Variants in EGFR observed in about 807,000 individuals in gnomAD.
EGFR encodes avian erythroblastic leukemia viral (v-erb-b) oncogene homolog.
A neutral mutation model predicts 143.0 loss-of-function variants in EGFR; 58 were observed. The observed-to-expected ratio is 0.41, with a 90% confidence interval of 0.33 to 0.50. The LOEUF (loss-of-function observed/expected upper bound fraction) is 0.50. Among genes scored for constraint, EGFR ranks in the 20% least tolerant of loss-of-function variants. EGFR has a pLI of 0.39. For synonymous variants in EGFR, 613 were observed against 594.4 expected, an observed-to-expected ratio of 1.03 and a Z score of -0.45; for missense variants, 1,307 against 1,579.0, an observed-to-expected ratio of 0.83 and a Z score of 2.92.
chr7:55,200,394 A>G lies in EGFR; in HGVS notation c.2927A>G (p.Gln976Arg), dbSNP rs773034947. The G allele has an allele frequency of 3.7e-6, 6 of 1,613,938 alleles. No individual in the cohort carries two copies. Among genetic ancestry groups the G allele is most frequent in the African/African-American group, 1.3e-5 (1 of 74,864 alleles). Reference protein sequence around the residue: ...IEFSKMARDPQRYLVIQGDER... With the variant: ...IEFSKMARDPRRYLVIQGDER... ...TTCTCCAAAATGGCCCGAGACCCCC[A>G]GCGCTACCTTGTCATTCAGGTACAA... Residue 976 changes from glutamine (Q) to arginine (R), a missense_variant, in exon 24 of 28, where the codon CAG becomes CGG. This residue lies in a region of EGFR where 313 missense variants were observed against 312.3 expected (regional missense o/e 1.00). Coordinates refer to ENST00000275493, the MANE Select transcript of EGFR (RefSeq NM_005228.5).
intron 15 of EGFR, chr7:55,170,306 G>A (rs2128950410): frequency 1.2e-6 from 2 of 1,614,162 alleles, no homozygotes; most frequent in East Asian, 2.2e-5. Flanking sequence ...TCTTTCTCCA[G>A]GCCAGGAAAT....
chr7:55,169,439 C>T (rs116743137), intron 15 of EGFR, among the ~76,000 whole-genome samples: 4,377 of 152,202 alleles, frequency 0.029, 74 homozygotes, highest in South Asian at 0.058. Flanking sequence ...TCATAGTACA[C>T]GGTGAGGAGA....
At chr7:55,128,570 A>T (rs899162028) in intron 1 of EGFR, among the ~76,000 whole-genome samples, 3 of 152,200 alleles carry the variant, frequency 2.0e-5, no homozygotes, top group Non-Finnish European at 2.9e-5. Context: ...CCTGCAAGTT[A>T]TTTGTGTGTA....
At chr7:55,125,317 A>G (rs1355200776) in intron 1 of EGFR, among the ~76,000 whole-genome samples, 1 of 152,266 alleles carries the variant, frequency 6.6e-6, no homozygotes, top group Non-Finnish European at 1.5e-5. Context: ...TAAGTTGAGT[A>G]TGCAACATTG....
intron 1 of EGFR, among the ~76,000 whole-genome samples, chr7:55,123,407 A>G (rs1216580447): frequency 6.6e-6 from 1 of 152,200 alleles, no homozygotes; most frequent in Non-Finnish European, 1.5e-5. Context: ...AACAAATATA[A>G]AGAAAACTTA....
intron 1 of EGFR, among the ~76,000 whole-genome samples, chr7:55,101,100 C>T (rs909727363): frequency 1.3e-5 from 2 of 152,326 alleles, no homozygotes; most frequent in African/African-American, 4.8e-5. Flanking sequence ...AACTCTGCTC[C>T]TTCTGACAAC....
intron 10 of EGFR, among the ~76,000 whole-genome samples, chr7:55,157,411 C>A (rs754987072): frequency 4.0e-4 from 61 of 152,032 alleles, no homozygotes; most frequent in Non-Finnish European, 7.9e-4. Context: ...GGTCTCAGGG[C>A]CACAGCCAGG....
At chr7:55,190,807 C>T (rs1787361293) in intron 20 of EGFR, among the ~76,000 whole-genome samples, 1 of 152,236 alleles carries the variant, frequency 6.6e-6, no homozygotes. Flanking sequence ...CAGAACTTGA[C>T]CCCTCCCAGC....
intron 1 of EGFR, among the ~76,000 whole-genome samples, chr7:55,034,131 C>A (rs1020092683): frequency 1.3e-5 from 2 of 152,174 alleles, no homozygotes; most frequent in Non-Finnish European, 2.9e-5. Context: ...GCAAACACAC[C>A]CTGCCTGGAG....
chr7:55,150,247 C>T (rs542980245), intron 4 of EGFR, among the ~76,000 whole-genome samples: 2 of 152,344 alleles, frequency 1.3e-5, no homozygotes, highest in Admixed American at 6.5e-5. Flanking sequence ...CGCTACAGAT[C>T]TAGCTGCTTT....
At chr7:55,186,181 C>G (rs116293336) in intron 20 of EGFR, among the ~76,000 whole-genome samples, 1,584 of 152,350 alleles carry the variant, frequency 0.01, 28 homozygotes, top group African/African-American at 0.034. Context: ...ACAAGCAGGA[C>G]TGTGAGAGAG....
At chr7:55,066,901 TA>T (rs1174341301) in intron 1 of EGFR, among the ~76,000 whole-genome samples, 2 of 152,158 alleles carry the variant, frequency 1.3e-5, no homozygotes, top group African/African-American at 4.8e-5. Flanking sequence ...TTCCAAAACG[TA>T]AAAGTAAACC....
At chr7:55,096,078 A>G (rs1791452865) in intron 1 of EGFR, among the ~76,000 whole-genome samples, 1 of 152,220 alleles carries the variant, frequency 6.6e-6, no homozygotes, top group African/African-American at 2.4e-5. Flanking sequence ...AAGTAATATT[A>G]GCTAGTTCAG....
At chr7:55,033,185 CTA>C (rs997280361) in intron 1 of EGFR, among the ~76,000 whole-genome samples, 7 of 152,174 alleles carry the variant, frequency 4.6e-5, no homozygotes, top group African/African-American at 1.7e-4. Flanking sequence ...TATTTACTCT[CTA>C]TTTTGAGGGT....
intron 1 of EGFR, among the ~76,000 whole-genome samples, chr7:55,099,300 G>A (rs1791665964): frequency 6.6e-6 from 1 of 152,206 alleles, no homozygotes; most frequent in Non-Finnish European, 1.5e-5. Flanking sequence ...TGCTGGGTTA[G>A]GCAGAGCCAT....
chr7:55,133,421 G>A (rs933242777), intron 1 of EGFR, among the ~76,000 whole-genome samples: 2 of 152,204 alleles, frequency 1.3e-5, no homozygotes, highest in African/African-American at 2.4e-5. Flanking sequence ...AAAGAGGGAC[G>A]TGAAGTCAGA....
chr7:55,105,522 C>T (rs903875702), intron 1 of EGFR, among the ~76,000 whole-genome samples: 1 of 152,172 alleles, frequency 6.6e-6, no homozygotes, highest in Non-Finnish European at 1.5e-5. Flanking sequence ...GTTCCAGTAT[C>T]CTAACGTGGA....
In EGFR at chr7:55,200,032, C is replaced by T. The variant is rs1415182526; in HGVS notation, c.2849-284C>T. ...GCAATTGTACAGACCCACACTGCTC[C>T]ATCCCCTCAGGCGTAACACAGGATG... On this transcript the variant is annotated intron_variant, in intron 23 of 27. Transcript: ENST00000275493. Among the ~76,000 whole-genome samples, 3 of 152,350 alleles carry T rather than the reference C, an allele frequency of 2.0e-5. No individual in the cohort carries two copies. The South Asian group carries it at 6.2e-4, about 32-fold the overall frequency.
chr7:55,146,827 T>G, intron 4 of EGFR, 87 bp downstream of exon 4: 1 of 1,571,248 alleles, frequency 6.4e-7, no homozygotes, highest in Non-Finnish European at 8.7e-7. Context: ...AAGCCATGTT[T>G]AGTAAGTCAC....
Sources: gnomAD v4.1 joint callset for allele counts (sites outside exome capture counted in the v4.1 genomes callset) on GRCh38, gnomAD v4.1.1 for gene constraint, gnomAD v4.1.1 regional missense constraint, MANE v1.5 for transcripts, NCBI Gene and HGNC (gene_info 2026-07-23, HGNC 2026-07-21) for gene names.